The following PVT1 variants were observed in gnomAD, a reference collection of about 807,000 sequenced individuals.
PVT1 encodes the protein Pvt1 oncogene, also known as CXCR4/PVT1 fusion.
intron 4 of PVT1, among the ~76,000 whole-genome samples, chr8:128,019,093 C>T (rs1175067788): frequency 6.6e-6 from 1 of 152,178 alleles, no homozygotes; most frequent in Non-Finnish European, 1.5e-5. Flanking sequence ...GGCAGCGTTT[C>T]CCACCTGCCA....
At chr8:128,022,733 CCTT>C (rs1321456298) in intron 4 of PVT1, among the ~76,000 whole-genome samples, 1 of 152,152 alleles carries the variant, frequency 6.6e-6, no homozygotes. Context: ...ATGGATCCTC[CCTT>C]CTTCATCTAT....
intron 2 of PVT1, among the ~76,000 whole-genome samples, chr8:127,860,592 G>T (rs750707406): frequency 2.0e-5 from 3 of 151,708 alleles, no homozygotes; most frequent in Admixed American, 2.0e-4. Flanking sequence ...GTGAAACCCC[G>T]TCTCTACTAA....
intron 2 of PVT1, among the ~76,000 whole-genome samples, chr8:127,844,272 C>G (rs1815006391): frequency 6.6e-6 from 1 of 152,138 alleles, no homozygotes; most frequent in African/African-American, 2.4e-5. Flanking sequence ...GTAGTGCCCT[C>G]TCGTGAATGA....
chr8:127,896,152 T>G (rs1489160559), intron 3 of PVT1, among the ~76,000 whole-genome samples: 3 of 152,250 alleles, frequency 2.0e-5, no homozygotes, highest in African/African-American at 7.2e-5. Flanking sequence ...TTCACATGGC[T>G]AGTTTCCTTA....
intron 2 of PVT1, among the ~76,000 whole-genome samples, chr8:127,889,039 T>TCTTCCTTCCTTC (rs1201472699): frequency 1.2e-5 from 1 of 82,498 alleles, no homozygotes; most frequent in Non-Finnish European, 2.6e-5. Context: ...TCTCTTTCTT[T>TCTTCCTTCCTTC]CTTCCTTCCT....
chr8:127,855,142 A>G (rs28483266), intron 2 of PVT1: 12,733 of 398,618 alleles, frequency 0.032, 889 homozygotes, highest in African/African-American at 0.16. Context: ...TGGCTGCTGG[A>G]ATCTTCCCTA....
chr8:127,885,930 A>G (rs1372657049), intron 2 of PVT1, among the ~76,000 whole-genome samples: 2 of 152,018 alleles, frequency 1.3e-5, no homozygotes, highest in African/African-American at 2.4e-5. Flanking sequence ...GCTTTCAGGT[A>G]GATTTAAATG....
At chr8:128,074,382 G>T (rs1814053577) in intron 5 of PVT1, among the ~76,000 whole-genome samples, 1 of 151,902 alleles carries the variant, frequency 6.6e-6, no homozygotes, top group Non-Finnish European at 1.5e-5. Context: ...AATTAGTGGG[G>T]TGTGGTGGTG....
intron 4 of PVT1, among the ~76,000 whole-genome samples, chr8:128,041,237 GTTGT>G (rs995196315): frequency 1.5e-4 from 4 of 25,930 alleles, no homozygotes; most frequent in African/African-American, 8.2e-5. Flanking sequence ...ATGTGTGTGT[GTTGT>G]TTGTGTGTGT....
chr8:128,039,441 A>G (rs1323202822), intron 4 of PVT1, among the ~76,000 whole-genome samples: 3 of 152,112 alleles, frequency 2.0e-5, no homozygotes, highest in Non-Finnish European at 2.9e-5. Flanking sequence ...CCTTAAGTTA[A>G]TGCCCTAAAG....
chr8:128,093,027 G>A lies in PVT1; in HGVS notation n.1115-3491G>A, dbSNP rs1230406683. 7.9e-5 allele frequency among the ~76,000 whole-genome samples: 12 copies of A among 152,134 alleles called. No homozygotes were observed. In the East Asian group the frequency reaches 1.7e-3, roughly 22 times the overall value. On this transcript the variant is annotated intron_variant and non_coding_transcript_variant, in intron 5 of 10. Coordinates refer to ENST00000651587, the Ensembl canonical transcript of PVT1. ...CTTCCACCAAGCTTTTCTGACTGCC[G>A]CATCTGGAATAATATATATATGCAA... is the stretch of plus-strand genomic sequence containing the variant.
At chr8:127,910,226 A>C (rs1815877904) in intron 3 of PVT1, among the ~76,000 whole-genome samples, 1 of 152,132 alleles carries the variant, frequency 6.6e-6, no homozygotes, top group Non-Finnish European at 1.5e-5. Context: ...ACTGGTGGGA[A>C]GATTGGGGAG....
chr8:128,049,639 G>T (rs1260956224), intron 4 of PVT1, among the ~76,000 whole-genome samples: 15 of 152,096 alleles, frequency 9.9e-5, no homozygotes. Context: ...GGGCTGCCAT[G>T]CTCTCTGGTA....
chr8:127,879,346 T>TG (rs1815439120), intron 2 of PVT1, among the ~76,000 whole-genome samples: 1 of 151,920 alleles, frequency 6.6e-6, no homozygotes, highest in South Asian at 2.1e-4. Context: ...TTTGCCAACA[T>TG]GGTGAAACCC....
intron 2 of PVT1, among the ~76,000 whole-genome samples, chr8:127,811,995 A>G (rs1041712104): frequency 1.3e-5 from 2 of 151,892 alleles, no homozygotes; most frequent in African/African-American, 4.8e-5. Flanking sequence ...TAATCCCAGC[A>G]CTTTGGGAGG....
intron 5 of PVT1, among the ~76,000 whole-genome samples, chr8:128,072,586 C>A (rs1237044647): frequency 6.6e-6 from 1 of 152,140 alleles, no homozygotes; most frequent in Non-Finnish European, 1.5e-5. Context: ...TCATTTCCCC[C>A]CAACTCCATT....
At position 127,838,950 on chromosome 8, in the gene PVT1, C is replaced by T. The variant is rs922669852; in HGVS notation, n.372+42879C>T. Among the ~76,000 whole-genome samples the T allele has an allele frequency of 4.6e-5, 7 of 152,202 alleles. No individual in the cohort carries two copies. In the East Asian group the frequency reaches 1.4e-3, roughly 29 times the overall value. The stretch of plus-strand genomic sequence containing the variant: ...TTCTATGTTTAGATATGATTAGATA[C>T]ACAAATGCTCACCATTGTATTAAGT... On this transcript the variant is annotated intron_variant and non_coding_transcript_variant, in intron 2 of 10. Transcript: ENST00000651587.
At chr8:127,915,352 G>A (rs954698736) in intron 3 of PVT1, among the ~76,000 whole-genome samples, 1 of 151,406 alleles carries the variant, frequency 6.6e-6, no homozygotes, top group Non-Finnish European at 1.5e-5. Context: ...GCTCACACCT[G>A]TAATCCCAGC....
At chr8:128,067,477 CTA>C (rs1217116108) in intron 4 of PVT1, among the ~76,000 whole-genome samples, 1 of 152,100 alleles carries the variant, frequency 6.6e-6, no homozygotes, top group Non-Finnish European at 1.5e-5. Context: ...ATCAAAAGGT[CTA>C]TATTGGAGCA....
Sources: allele counts gnomAD v4.1 joint callset (sites outside exome capture counted in the v4.1 genomes callset), GRCh38; gene constraint gnomAD v4.1.1; transcripts MANE v1.5; gene names NCBI Gene and HGNC (gene_info 2026-07-23, HGNC 2026-07-21).